C19orf38: variants seen among roughly 807,000 people sequenced by gnomAD.
The protein encoded by C19orf38 is chromosome 19 open reading frame 38.
A neutral mutation model predicts 26.6 loss-of-function variants in C19orf38; 14 were observed. That is an observed-to-expected ratio of 0.53 (90% CI 0.35 to 0.82). C19orf38 has a LOEUF of 0.82. C19orf38 is among the 40% of genes least tolerant of loss of function. The probability of loss-of-function intolerance (pLI) is 0.01; values close to 1 mark genes in which losing one functional copy is unlikely to be tolerated. For synonymous variants in C19orf38, 132 were observed against 128.5 expected (o/e 1.03, Z -0.18); for missense variants, 261 against 299.5 (o/e 0.87, Z 0.95).
chr19:10,841,271 C>T (rs2073475969), intron 1 of C19orf38, among the ~76,000 whole-genome samples: 1 of 150,554 alleles, frequency 6.6e-6, no homozygotes, highest in East Asian at 2.0e-4. Context: ...AGTTTGAGAC[C>T]AGCCTTGGCA....
Position 10,856,290 on chromosome 19 carries a change from CCTGAG to C in C19orf38, c.368_372del (p.Leu123ProfsTer22). 6.4e-7 allele frequency: 1 copy of C among 1,551,236 alleles called. No homozygotes were observed. Among genetic ancestry groups the C allele is most frequent in the East Asian group, 2.4e-5 (1 of 40,890 alleles). ...TGCCCACTTGGATCTTGGTGCTCTC[CCTGAG>C]CCTGGCTGGTGCCCTCTTCCTCCTT... On this transcript the variant is annotated frameshift_variant, in exon 3 of 7. Coordinates refer to ENST00000397820, the MANE Select transcript of C19orf38 (RefSeq NM_001136482.3). LOFTEE classifies it high-confidence loss of function.
Position 10,863,059 on chromosome 19 carries a change from G to A in C19orf38, c.506-111G>A, listed in dbSNP as rs1599671240. On this transcript the variant is annotated intron_variant, in intron 5 of 6. Transcript: ENST00000397820. ...AAAGGCGCCATAGAGGATGCTGGGAGATGGACCCCAATTGCTTCCCTGTGG... is the reference window on the plus strand; with the variant it reads ...AAAGGCGCCATAGAGGATGCTGGGAAATGGACCCCAATTGCTTCCCTGTGG... 7.1e-6 allele frequency: 8 copies of A among 1,119,412 alleles called. No homozygotes were observed. The East Asian group carries it at 2.1e-4, about 29-fold the overall frequency. 69.3% of individuals were successfully genotyped at this position (1,119,412 alleles called of 1,614,324 possible).
At chr19:10,847,985 G>A (rs1040370352), upstream of C19orf38, among the ~76,000 whole-genome samples, 4 of 151,998 alleles carry the variant, frequency 2.6e-5, no homozygotes, top group African/African-American at 9.7e-5. Flanking sequence ...GAGGTCAAGA[G>A]ATCGAGACCA....
chr19:10,847,626 C>T (rs949884358), upstream of C19orf38, among the ~76,000 whole-genome samples: 1 of 151,958 alleles, frequency 6.6e-6, no homozygotes, highest in Non-Finnish European at 1.5e-5. Context: ...ACCTCAGCCT[C>T]CCAAAGTGCT....
At chr19:10,859,381 TA>T (rs1361933264) in intron 4 of C19orf38, among the ~76,000 whole-genome samples, 270 of 32,424 alleles carry the variant, frequency 8.3e-3, no homozygotes, top group South Asian at 0.014. Context: ...TATATATATA[TA>T]TATTTTTTTT....
intron 2 of C19orf38, 23 bp downstream of exon 2, chr19:10,850,590 C>T: frequency 6.5e-7 from 1 of 1,549,978 alleles, no homozygotes; most frequent in Non-Finnish European, 8.7e-7. Flanking sequence ...TATGGGATCT[C>T]ACTGCCGGGG....
chr19:10,864,276 G>A (rs961896059), intron 6 of C19orf38, among the ~76,000 whole-genome samples: 8 of 152,114 alleles, frequency 5.3e-5, no homozygotes, highest in Non-Finnish European at 8.8e-5. Flanking sequence ...GGCCAGGCTG[G>A]TCTCAAACTC....
chr19:10,865,356 A>G lies in C19orf38; in HGVS notation c.543+2149A>G, dbSNP rs1156388339. Among the ~76,000 whole-genome samples the G allele has an allele frequency of 5.3e-5, 8 of 152,340 alleles. No homozygotes were observed. The East Asian group carries it at 1.5e-3, about 30-fold the overall frequency. ...GAGACGGGTTTTCATCATGTTGGCCAGGCTGGTCTCCAACAACCGACCTCA... is the reference window on the plus strand; with the variant it reads ...GAGACGGGTTTTCATCATGTTGGCCGGGCTGGTCTCCAACAACCGACCTCA... On this transcript the variant is annotated intron_variant, in intron 6 of 6. Coordinates refer to ENST00000397820, the MANE Select transcript of C19orf38 (RefSeq NM_001136482.3).
intron 6 of C19orf38, among the ~76,000 whole-genome samples, chr19:10,866,127 C>T (rs181649833): frequency 6.6e-6 from 1 of 151,610 alleles, no homozygotes; most frequent in Non-Finnish European, 1.5e-5. Flanking sequence ...CAACCTCCCC[C>T]CCTGGGTTCA....
At chr19:10,845,921 G>A (rs1188049259), upstream of C19orf38, among the ~76,000 whole-genome samples, 1 of 150,864 alleles carries the variant, frequency 6.6e-6, no homozygotes, top group African/African-American at 2.4e-5. Flanking sequence ...TGAGCTGCCT[G>A]TAATCCCAGC....
At chr19:10,861,559 G>A (rs561562863) in intron 5 of C19orf38, among the ~76,000 whole-genome samples, 1 of 152,224 alleles carries the variant, frequency 6.6e-6, no homozygotes, top group African/African-American at 2.4e-5. Flanking sequence ...CAAGGCAGGT[G>A]GTCCCCTGAG....
At chr19:10,848,570 C>G (rs1375639348) in intron 1 of C19orf38, 31 bp downstream of exon 1, 1 of 1,360,596 alleles carries the variant, frequency 7.3e-7, no homozygotes, top group South Asian at 1.2e-5. Flanking sequence ...TCAGATCCCC[C>G]ACGCCTTTCC....
chr19:10,863,028 G>C (rs2073717082), intron 5 of C19orf38, 142 bp from the exon 6 acceptor site: 3 of 788,796 alleles, frequency 3.8e-6, no homozygotes, highest in South Asian at 3.3e-5. Flanking sequence ...GTGCAGAATG[G>C]GTTGGAAAGG....
At position 10,850,446 on chromosome 19, in the gene C19orf38, C is replaced by T. The variant is rs939147252; in HGVS notation, c.219C>T (p.Asn73=). 8 of 1,551,410 alleles carry T rather than the reference C, an allele frequency of 5.2e-6. No homozygotes were observed. In the Admixed American group the frequency reaches 5.9e-5, roughly 11 times the overall value. Residue 73 remains asparagine, a synonymous_variant, in exon 2 of 7, where the codon AAC becomes AAT. Coordinates refer to ENST00000397820, the MANE Select transcript of C19orf38 (RefSeq NM_001136482.3). ...APTDQRGVTF[N]LSGGSSKAPG... ...CGGACCAGCGCGGGGTGACATTTAA[C>T]CTGAGCGGCGGCAGCAGCAAGGCTC...
At chr19:10,846,181 CAAA>C (rs1000446867), upstream of C19orf38, among the ~76,000 whole-genome samples, 1 of 144,772 alleles carries the variant, frequency 6.9e-6, no homozygotes. Flanking sequence ...GACCCTGTCT[CAAA>C]AAAAAAATGT....
intron 6 of C19orf38, among the ~76,000 whole-genome samples, chr19:10,866,129 C>T (rs1457963167): frequency 6.6e-6 from 1 of 151,790 alleles, no homozygotes; most frequent in African/African-American, 2.4e-5. Flanking sequence ...ACCTCCCCCC[C>T]TGGGTTCAAG....
chr19:10,846,128 G>A (rs1430329919), upstream of C19orf38, among the ~76,000 whole-genome samples: 4 of 151,514 alleles, frequency 2.6e-5, no homozygotes, highest in East Asian at 2.0e-4. Context: ...GCTGCAGTGA[G>A]TCATGATCAT....
intron 1 of C19orf38, among the ~76,000 whole-genome samples, chr19:10,840,432 C>T (rs753098909): frequency 1.3e-5 from 2 of 152,198 alleles, no homozygotes; most frequent in Non-Finnish European, 2.9e-5. Flanking sequence ...CTCAGCCTCC[C>T]AAGTAGCTGG....
upstream of C19orf38, among the ~76,000 whole-genome samples, chr19:10,845,524 G>A (rs2073509875): frequency 6.6e-6 from 1 of 152,170 alleles, no homozygotes; most frequent in Non-Finnish European, 1.5e-5. Context: ...ATATGAAAAT[G>A]TGTGGCATGC....
Sources: gnomAD v4.1 joint callset for allele counts (sites outside exome capture counted in the v4.1 genomes callset) on GRCh38, gnomAD v4.1.1 for gene constraint, MANE v1.5 for transcripts, NCBI Gene and HGNC (gene_info 2026-07-23, HGNC 2026-07-21) for gene names.